Variants in ST18 observed in about 807,000 individuals in gnomAD.
ST18 encodes suppression of tumorigenicity 18 protein.
Under a neutral mutation model 110.0 loss-of-function variants are expected in ST18, and 50 were observed. That is an observed-to-expected ratio of 0.45 (90% CI 0.36 to 0.58). The LOEUF (loss-of-function observed/expected upper bound fraction) is 0.58. Among genes scored for constraint, ST18 ranks in the 20% least tolerant of loss-of-function variants. ST18 has a pLI of 0.00. For synonymous variants in ST18, 461 were observed against 452.4 expected, an observed-to-expected ratio of 1.02 and a Z score of -0.24; for missense variants, 1,306 against 1,280.1, an observed-to-expected ratio of 1.02 and a Z score of -0.31.
chr8:52,283,359 C>T (rs1395238321), intron 2 of ST18, among the ~76,000 whole-genome samples: 1 of 152,076 alleles, frequency 6.6e-6, no homozygotes, highest in Non-Finnish European at 1.5e-5. Context: ...GGCAGCACAG[C>T]GATTGTGTCC....
intron 2 of ST18, among the ~76,000 whole-genome samples, chr8:52,378,030 C>T (rs1476752088): frequency 1.3e-5 from 2 of 152,130 alleles, no homozygotes; most frequent in Non-Finnish European, 2.9e-5. Flanking sequence ...TTCACATGTA[C>T]TCACTTATTC....
chr8:52,151,498 C>T (rs956704713), intron 15 of ST18, among the ~76,000 whole-genome samples: 2 of 152,144 alleles, frequency 1.3e-5, no homozygotes, highest in Middle Eastern at 3.2e-3. Context: ...GGGATAATAA[C>T]TTAGTAACCA....
At chr8:52,200,773 C>T (rs773333498) in intron 8 of ST18, among the ~76,000 whole-genome samples, 104 of 152,164 alleles carry the variant, frequency 6.8e-4, no homozygotes, top group Non-Finnish European at 4.7e-4. Flanking sequence ...ACAGATCAGA[C>T]ATAGAGTCTG....
At chr8:52,367,012 C>A (rs1828236006) in intron 2 of ST18, among the ~76,000 whole-genome samples, 1 of 152,172 alleles carries the variant, frequency 6.6e-6, no homozygotes. Context: ...GCGTGCAGAT[C>A]ACTTGAGGCC....
intron 9 of ST18, among the ~76,000 whole-genome samples, chr8:52,178,205 C>A (rs187298927): frequency 2.6e-5 from 4 of 152,140 alleles, no homozygotes; most frequent in African/African-American, 9.7e-5. Context: ...CTGATGCAAA[C>A]GCACACACAT....
At chr8:52,151,463 C>T (rs953622780) in intron 15 of ST18, among the ~76,000 whole-genome samples, 10 of 152,110 alleles carry the variant, frequency 6.6e-5, no homozygotes, top group African/African-American at 2.4e-4. Flanking sequence ...GTTTTAAGCC[C>T]GGAATTTGGC....
chr8:52,368,320 T>C (rs1191604854), intron 2 of ST18, among the ~76,000 whole-genome samples: 21 of 152,188 alleles, frequency 1.4e-4, no homozygotes, highest in Non-Finnish European at 2.8e-4. Flanking sequence ...GAGAACAAAA[T>C]TCACAAACAA....
chr8:52,173,873 C>A (rs979221781), intron 9 of ST18, among the ~76,000 whole-genome samples: 1 of 152,102 alleles, frequency 6.6e-6, no homozygotes, highest in East Asian at 1.9e-4. Context: ...AGTGTCTGTG[C>A]GGAAGACAAT....
At chr8:52,239,600 G>GA (rs112823554) in intron 2 of ST18, among the ~76,000 whole-genome samples, 1 of 151,340 alleles carries the variant, frequency 6.6e-6, no homozygotes, top group African/African-American at 2.4e-5. Context: ...TTATAAAAAA[G>GA]AAAAATACCA....
At chr8:52,371,047 T>G (rs563213856) in intron 2 of ST18, among the ~76,000 whole-genome samples, 1 of 152,196 alleles carries the variant, frequency 6.6e-6, no homozygotes, top group African/African-American at 2.4e-5. Flanking sequence ...CTACTATGTA[T>G]ATAAACTCAT....
At chr8:52,143,353 T>C (rs1223462076) in intron 16 of ST18, among the ~76,000 whole-genome samples, 3 of 152,074 alleles carry the variant, frequency 2.0e-5, no homozygotes, top group Non-Finnish European at 2.9e-5. Context: ...GACGCTGTGG[T>C]GCGTGCCTGT....
At chr8:52,113,383 C>T in intron 25 of ST18, 45 bp from the exon 26 acceptor site, 2 of 1,601,780 alleles carry the variant, frequency 1.2e-6, no homozygotes, top group Non-Finnish European at 1.7e-6. Flanking sequence ...GTGGTTCAGG[C>T]TGAGGGAAAA....
intron 2 of ST18, among the ~76,000 whole-genome samples, chr8:52,389,165 G>A (rs1417983010): frequency 6.6e-6 from 1 of 152,126 alleles, no homozygotes; most frequent in Non-Finnish European, 1.5e-5. Context: ...CCAGGCCTCA[G>A]CACAGAGCGC....
At chr8:52,205,550 T>G (rs2079672368) in intron 8 of ST18, among the ~76,000 whole-genome samples, 1 of 152,032 alleles carries the variant, frequency 6.6e-6, no homozygotes, top group Admixed American at 6.5e-5. Flanking sequence ...TTAAAAAAAT[T>G]TTTTTAATTT....
intron 2 of ST18, among the ~76,000 whole-genome samples, chr8:52,278,485 G>A (rs1239296718): frequency 1.3e-5 from 2 of 152,170 alleles, no homozygotes; most frequent in Admixed American, 1.3e-4. Flanking sequence ...AGCTCACTCT[G>A]CAAAGAGAAT....
intron 2 of ST18, among the ~76,000 whole-genome samples, chr8:52,360,726 C>G (rs1033898368): frequency 2.6e-5 from 4 of 151,972 alleles, no homozygotes; most frequent in African/African-American, 7.3e-5. Flanking sequence ...AAAATGTCAC[C>G]CATATGTGTT....
chr8:52,240,941 AC>A (rs1489343062), intron 2 of ST18, among the ~76,000 whole-genome samples: 2 of 152,176 alleles, frequency 1.3e-5, no homozygotes, highest in Non-Finnish European at 2.9e-5. Context: ...TCAGCTGTAC[AC>A]TCAACATCAC....
intron 2 of ST18, among the ~76,000 whole-genome samples, chr8:52,268,667 G>A (rs577592339): frequency 6.6e-5 from 10 of 152,266 alleles, no homozygotes; most frequent in East Asian, 1.9e-4. Context: ...CTAGAGGAGC[G>A]GTAAAGGAAG....
intron 2 of ST18, among the ~76,000 whole-genome samples, chr8:52,358,674 G>A (rs1054364068): frequency 4.6e-5 from 7 of 151,796 alleles, no homozygotes; most frequent in Admixed American, 2.0e-4. Flanking sequence ...TTGAATATAC[G>A]TTTAGCAAGT....
Sources: allele counts gnomAD v4.1 joint callset (sites outside exome capture counted in the v4.1 genomes callset), GRCh38; gene constraint gnomAD v4.1.1; transcripts MANE v1.5; gene names NCBI Gene and HGNC (gene_info 2026-07-23, HGNC 2026-07-21).